The following RCC2 variants were observed in gnomAD, a reference collection of about 807,000 sequenced individuals.
The protein encoded by RCC2 is protein RCC2.
Under a neutral mutation model 64.1 loss-of-function variants are expected in RCC2, and 19 were observed. The observed-to-expected ratio is 0.30, with a 90% CI of 0.21 to 0.44. The LOEUF is 0.44. Among genes scored for constraint, RCC2 ranks in the 20% least tolerant of loss-of-function variants. The pLI is 1.00. For synonymous variants in RCC2, 325 were observed against 279.6 expected (o/e 1.16, Z -1.62); for missense variants, 508 against 710.4 (o/e 0.72, Z 3.24).
At chr1:17,420,636 T>C (rs2075545842) in intron 7 of RCC2, 78 bp downstream of exon 7, 1 of 839,914 alleles carries the variant, frequency 1.2e-6, no homozygotes, top group Non-Finnish European at 1.8e-6. Flanking sequence ...CTAACACGTG[T>C]GTGCAGCCCC....
At chr1:17,412,544 C>A (rs1338127655) in intron 10 of RCC2, among the ~76,000 whole-genome samples, 1 of 152,200 alleles carries the variant, frequency 6.6e-6, no homozygotes, top group Non-Finnish European at 1.5e-5. Context: ...AGCCTTCATG[C>A]ATAATGATTT....
intron 8 of RCC2, among the ~76,000 whole-genome samples, chr1:17,414,487 G>A (rs1424396168): frequency 6.9e-6 from 1 of 144,472 alleles, no homozygotes; most frequent in East Asian, 2.1e-4. Context: ...CCGAGATAGC[G>A]TCACTGCACT....
Position 17,420,419 on chromosome 1 carries a change from A to AT in RCC2, c.859+294dup, listed in dbSNP as rs960344783. Among the ~76,000 whole-genome samples the AT allele has an allele frequency of 1.4e-4, 21 of 151,762 alleles. No individual in the cohort carries two copies. The East Asian group carries it at 2.3e-3, about 17-fold the overall frequency. On this transcript the variant is annotated intron_variant, in intron 7 of 12. Coordinates refer to ENST00000375436, the MANE Select transcript of RCC2 (RefSeq NM_018715.4). ...TGTGAAATTGAATGAAGGTGGTCTGATTTTTTTTTAACTTTGAAATCCCTT... is the reference window on the plus strand; with the variant it reads ...TGTGAAATTGAATGAAGGTGGTCTGATTTTTTTTTTAACTTTGAAATCCCTT...
intron 1 of RCC2, among the ~76,000 whole-genome samples, chr1:17,438,956 G>T (rs1253578806): frequency 3.3e-5 from 5 of 151,508 alleles, no homozygotes; most frequent in Non-Finnish European, 4.4e-5. Context: ...CCTGCTCCCC[G>T]GCTACCCCAC....
At chr1:17,431,057 G>T (rs1018790909) in intron 2 of RCC2, among the ~76,000 whole-genome samples, 1 of 151,396 alleles carries the variant, frequency 6.6e-6, no homozygotes, top group Non-Finnish European at 1.5e-5. Flanking sequence ...TGTTGGCCAG[G>T]CGCGGTGGCT....
chr1:17,420,663 C>G, intron 7 of RCC2, 51 bp downstream of exon 7: 1 of 1,193,542 alleles, frequency 8.4e-7, no homozygotes, highest in Non-Finnish European at 1.2e-6. Context: ...ATCTCTAGTT[C>G]TGAATATATA....
At chr1:17,417,760 A>T (rs547934093) in intron 7 of RCC2, among the ~76,000 whole-genome samples, 3 of 151,974 alleles carry the variant, frequency 2.0e-5, no homozygotes, top group Admixed American at 1.3e-4. Context: ...CCCCCTCCAT[A>T]CGGCACGCTG....
rs151245248 is a variant in RCC2 at position 17,425,668 on chromosome 1, G to A, written c.396C>T (p.Leu132=). The A allele has an allele frequency of 1.8e-3, 2,846 of 1,611,970 alleles. 5 individuals are homozygous for A. The highest frequency in any genetic ancestry group is 2.2e-3 in the Non-Finnish European group (2,534 of 1,178,328). ...VPKQQAAYRN[L]GQNLWGPHRY... ...TGTGGGGCCCCCACAAATTCTGACCGAGATTGCGGTAAGCAGCTGCAGAGA... is the reference window on the plus strand; with the variant it reads ...TGTGGGGCCCCCACAAATTCTGACCAAGATTGCGGTAAGCAGCTGCAGAGA... The change falls in exon 4 of 13, where the codon CTC becomes CTT. Residue 132 remains leucine, a synonymous_variant. Coordinates refer to ENST00000375436, the MANE Select transcript of RCC2 (RefSeq NM_018715.4).
intron 7 of RCC2, among the ~76,000 whole-genome samples, chr1:17,420,445 T>C (rs1228691851): frequency 6.6e-6 from 1 of 152,194 alleles, no homozygotes; most frequent in East Asian, 1.9e-4. Context: ...GAAATCCCTT[T>C]ATATAAATGA....
chr1:17,425,092 G>A (rs2075598942), intron 4 of RCC2, among the ~76,000 whole-genome samples: 1 of 152,210 alleles, frequency 6.6e-6, no homozygotes, highest in Non-Finnish European at 1.5e-5. Context: ...CATGGCGGCA[G>A]GGACGCAGCA....
At chr1:17,429,785 T>C (rs1380204671) in intron 2 of RCC2, among the ~76,000 whole-genome samples, 1 of 152,164 alleles carries the variant, frequency 6.6e-6, no homozygotes, top group Non-Finnish European at 1.5e-5. Flanking sequence ...CAGGCGGCCT[T>C]TGATGGCACC....
chr1:17,413,740 G>A (rs764577501), intron 8 of RCC2, 23 bp from the exon 9 acceptor site: 1 of 1,596,864 alleles, frequency 6.3e-7, no homozygotes, highest in Admixed American at 1.8e-5. Context: ...AAAACACAGG[G>A]TTGGAACAAA....
chr1:17,428,147 C>T (rs1298574279), intron 3 of RCC2, among the ~76,000 whole-genome samples: 1 of 152,230 alleles, frequency 6.6e-6, no homozygotes, highest in Non-Finnish European at 1.5e-5. Context: ...TCAATGTCAA[C>T]TGGGCTGCTC....
At chr1:17,437,581 A>G (rs1374067038) in intron 2 of RCC2, among the ~76,000 whole-genome samples, 1 of 23,260 alleles carries the variant, frequency 4.3e-5, no homozygotes, top group Non-Finnish European at 9.4e-5. Flanking sequence ...AGCCCTCGCG[A>G]GCATCCTGCA....
intron 10 of RCC2, 117 bp downstream of exon 10, chr1:17,412,956 G>A: frequency 1.4e-6 from 1 of 730,594 alleles, no homozygotes; most frequent in East Asian, 2.7e-5. Context: ...GGCCTGCTGA[G>A]GACAGCCCAA....
Position 17,409,085 on chromosome 1 carries a change from G to A in RCC2, c.*5C>T. On this transcript the variant is annotated 3_prime_UTR_variant, in exon 13 of 13. Coordinates refer to ENST00000375436, the MANE Select transcript of RCC2 (RefSeq NM_018715.4). ...GGTGTGGAGTCGGAGGAGTCTCCGG[G>A]AGCATCAGAGGGTTCGGGGGTTGTA... The A allele has an allele frequency of 6.3e-7, 1 of 1,599,312 alleles. No individual in the cohort carries two copies. Among genetic ancestry groups the A allele is most frequent in the South Asian group, 1.1e-5 (1 of 90,782 alleles).
At chr1:17,416,720 C>CT (rs960506958) in intron 7 of RCC2, 74 bp from the exon 8 acceptor site, 101 of 1,465,842 alleles carry the variant, frequency 6.9e-5, no homozygotes, top group Non-Finnish European at 8.3e-5. Context: ...CACACGGACT[C>CT]TGTAGTGAGC....
chr1:17,432,957 T>TA (rs1385740642), intron 2 of RCC2, among the ~76,000 whole-genome samples: 1 of 150,276 alleles, frequency 6.7e-6, no homozygotes, highest in Non-Finnish European at 1.5e-5. Context: ...GACTCCATCT[T>TA]AAAAAAAGAA....
intron 2 of RCC2, among the ~76,000 whole-genome samples, chr1:17,437,916 G>C (rs1212013959): frequency 6.9e-6 from 1 of 144,916 alleles, no homozygotes; most frequent in Non-Finnish European, 1.5e-5. Flanking sequence ...AGAGGGAGCT[G>C]TGGGGGCGGG....
Sources: gnomAD v4.1 joint callset for allele counts (sites outside exome capture counted in the v4.1 genomes callset) on GRCh38, gnomAD v4.1.1 for gene constraint, MANE v1.5 for transcripts, NCBI Gene and HGNC (gene_info 2026-07-23, HGNC 2026-07-21) for gene names.